Variants in CADM2 observed in about 807,000 individuals in gnomAD.
CADM2 encodes cell adhesion molecule 2, also known as immunoglobulin superfamily member 4D.
In CADM2, 12 loss-of-function variants were observed where a neutral mutation model predicts 49.8. The observed-to-expected ratio is 0.24, with a 90% CI of 0.15 to 0.39. CADM2 has a LOEUF of 0.39. Among genes scored for constraint, CADM2 ranks in the 10% least tolerant of loss-of-function variants. The pLI is 1.00. For synonymous variants in CADM2, 214 were observed against 175.4 expected (o/e 1.22, Z -1.74); for missense variants, 378 against 492.3 (o/e 0.77, Z 2.20).
chr3:85,540,489 A>G (rs1162225581), intron 1 of CADM2, among the ~76,000 whole-genome samples: 1 of 152,162 alleles, frequency 6.6e-6, no homozygotes, highest in African/African-American at 2.4e-5. Flanking sequence ...TATAACAAAT[A>G]TGCTCATCTG....
At chr3:85,000,456 C>A (rs1252951470) in intron 1 of CADM2, among the ~76,000 whole-genome samples, 1 of 137,432 alleles carries the variant, frequency 7.3e-6, no homozygotes, top group Non-Finnish European at 1.6e-5. Context: ...CAAAAAAAAA[C>A]AGTCTTTTAC....
rs757147483 is a variant in CADM2, at chr3:85,435,786, CAT to C, written c.62-290733_62-290732del. On this transcript the variant is annotated intron_variant, in intron 1 of 9. Coordinates refer to ENST00000383699, the MANE Select transcript of CADM2 (RefSeq NM_001167675.2). ...TGACCAGTGATGATGAGCTTTTTTCCATATGTTTTTTGGCCGCATAAATGTCT... is the reference window on the plus strand; with the variant it reads ...TGACCAGTGATGATGAGCTTTTTTCCATGTTTTTTGGCCGCATAAATGTCT... Among the ~76,000 whole-genome samples, 3 of 152,116 alleles carry C rather than the reference CAT, an allele frequency of 2.0e-5. No individual in the cohort carries two copies. The South Asian group carries it at 6.2e-4, about 32-fold the overall frequency.
At position 85,656,266 on chromosome 3, in the gene CADM2, A is replaced by T. The variant is rs149791645; in HGVS notation, c.62-70256A>T. ...TAAAAGTTGAATAAATAAAATTCTC[A>T]TAAATCAATTTATCTAGAAATTATT... On this transcript the variant is annotated intron_variant, in intron 1 of 9. Transcript: ENST00000383699. 4.4e-3 allele frequency among the ~76,000 whole-genome samples: 673 copies of T among 152,254 alleles called. 3 individuals are homozygous for T. Among genetic ancestry groups the T allele is most frequent in the African/African-American group, 0.015 (628 of 41,578 alleles).
At chr3:85,720,082 T>C (rs1321321196) in intron 1 of CADM2, among the ~76,000 whole-genome samples, 1 of 152,210 alleles carries the variant, frequency 6.6e-6, no homozygotes, top group Non-Finnish European at 1.5e-5. Flanking sequence ...TTAATTGATG[T>C]GTCTTTTAGG....
At chr3:85,915,484 A>T (rs1718165774) in intron 6 of CADM2, among the ~76,000 whole-genome samples, 2 of 152,142 alleles carry the variant, frequency 1.3e-5, no homozygotes, top group Non-Finnish European at 2.9e-5. Flanking sequence ...TTAAATGAGT[A>T]GAGGATGGAA....
At chr3:86,012,164 A>G (rs1002416034) in intron 8 of CADM2, among the ~76,000 whole-genome samples, 23 of 152,282 alleles carry the variant, frequency 1.5e-4, no homozygotes, top group African/African-American at 5.5e-4. Context: ...TTAAAATAAT[A>G]TATACAGCTG....
intron 1 of CADM2, among the ~76,000 whole-genome samples, chr3:85,016,984 T>C (rs765534126): frequency 6.6e-6 from 1 of 152,080 alleles, no homozygotes; most frequent in East Asian, 1.9e-4. Context: ...TTGAAATAAA[T>C]GAAATCCACC....
intron 2 of CADM2, among the ~76,000 whole-genome samples, chr3:85,747,963 G>A (rs1348214367): frequency 2.0e-5 from 3 of 152,140 alleles, no homozygotes; most frequent in African/African-American, 7.2e-5. Flanking sequence ...AAAACTTTTT[G>A]ATATAAAGGA....
At chr3:85,089,308 GA>G (rs1295010548) in intron 1 of CADM2, among the ~76,000 whole-genome samples, 4 of 151,970 alleles carry the variant, frequency 2.6e-5, no homozygotes, top group Non-Finnish European at 4.4e-5. Context: ...AGAAATTCAA[GA>G]CCAGTCTTGA....
At chr3:85,009,278 A>G (rs1312529127) in intron 1 of CADM2, among the ~76,000 whole-genome samples, 1 of 152,238 alleles carries the variant, frequency 6.6e-6, no homozygotes, top group African/African-American at 2.4e-5. Flanking sequence ...ATAGAGAATA[A>G]TATATAAAAG....
At chr3:85,725,782 A>G (rs564247426) in intron 1 of CADM2, among the ~76,000 whole-genome samples, 5 of 152,190 alleles carry the variant, frequency 3.3e-5, no homozygotes, top group Admixed American at 6.5e-5. Flanking sequence ...TCAACCAAGT[A>G]CCAAAATTGC....
At chr3:85,102,704 G>A (rs1013072594) in intron 1 of CADM2, among the ~76,000 whole-genome samples, 1 of 152,118 alleles carries the variant, frequency 6.6e-6, no homozygotes, top group African/African-American at 2.4e-5. Context: ...TTAATGCTGT[G>A]GCTATTCTTG....
At chr3:85,979,228 C>G in intron 8 of CADM2, 3 of 1,610,830 alleles carry the variant, frequency 1.9e-6, no homozygotes, top group Non-Finnish European at 2.5e-6. Context: ...CAGTCACAAC[C>G]ACTGTAGCCA....
At position 85,536,010 on chromosome 3, in the gene CADM2, C is replaced by T. The variant is rs562347792; in HGVS notation, c.62-190512C>T. Among the ~76,000 whole-genome samples the T allele has an allele frequency of 1.8e-4, 28 of 152,000 alleles. No individual in the cohort carries two copies. The South Asian group carries it at 2.1e-3, about 11-fold the overall frequency. The stretch of plus-strand genomic sequence containing the variant: ...ACTTTGGGAGTCTTGTTTGTCCCAG[C>T]AATGCCATAGGAAATTGTAGCACAT... On this transcript the variant is annotated intron_variant, in intron 1 of 9. Transcript: ENST00000383699.
chr3:85,530,424 G>A (rs1419466731), intron 1 of CADM2, among the ~76,000 whole-genome samples: 4 of 93,206 alleles, frequency 4.3e-5, no homozygotes, highest in South Asian at 3.4e-4. Context: ...TCCGCCTCCC[G>A]GGTTCACGCC....
chr3:85,140,152 T>C (rs1360584149), intron 1 of CADM2, among the ~76,000 whole-genome samples: 2 of 152,202 alleles, frequency 1.3e-5, no homozygotes, highest in Non-Finnish European at 2.9e-5. Context: ...AAGCAACCTA[T>C]ATTTTCAAAA....
intron 8 of CADM2, among the ~76,000 whole-genome samples, chr3:85,997,013 G>T (rs1293050750): frequency 6.6e-6 from 1 of 152,092 alleles, no homozygotes; most frequent in South Asian, 2.1e-4. Context: ...GTGATACATC[G>T]GTCAGTGTGG....
intron 1 of CADM2, among the ~76,000 whole-genome samples, chr3:85,202,117 C>G (rs1048567237): frequency 1.4e-5 from 2 of 144,710 alleles, no homozygotes; most frequent in African/African-American, 5.1e-5. Flanking sequence ...CTCATCTGTT[C>G]AAGTTTTATC....
chr3:85,325,495 A>C (rs2044726815), intron 1 of CADM2, among the ~76,000 whole-genome samples: 1 of 152,140 alleles, frequency 6.6e-6, no homozygotes, highest in Non-Finnish European at 1.5e-5. Flanking sequence ...GCGGATCATG[A>C]GGTCAAGCGT....
Sources: allele counts gnomAD v4.1 joint callset (sites outside exome capture counted in the v4.1 genomes callset), GRCh38; gene constraint gnomAD v4.1.1; transcripts MANE v1.5; gene names NCBI Gene and HGNC (gene_info 2026-07-23, HGNC 2026-07-21).